Variants in CLCN7 observed in about 807,000 individuals in gnomAD.
CLCN7 encodes the protein Cl-/H+ antiporter 7.
Under a neutral mutation model 102.1 loss-of-function variants are expected in CLCN7, and 60 were observed. That is an observed-to-expected ratio of 0.59 (90% CI 0.48 to 0.73). The LOEUF (loss-of-function observed/expected upper bound fraction) is 0.73. Among genes scored for constraint, CLCN7 ranks in the 30% least tolerant of loss-of-function variants. The pLI is 0.00. For missense variants in CLCN7, 962 were observed against 1,125.7 expected, an observed-to-expected ratio of 0.85 and a Z score of 2.08; for synonymous variants, 560 against 490.5, an observed-to-expected ratio of 1.14 and a Z score of -1.87.
chr16:1,451,691 T>C lies in CLCN7; in HGVS notation c.1379A>G (p.Asn460Ser). ...LQLFCADGEY[N>S]SMAAAFFNTP... ...GTTGAAGAAGGCCGCAGCCATGGAG[T>C]TGTACTCGCCATCTGCACAAAAGAG... Residue 460 changes from asparagine (N) to serine (S), a missense_variant, in exon 16 of 25, where the codon AAC becomes AGC. Asn to Ser is a conservative substitution (Grantham distance 46). Around this residue, in one of 2 missense-constraint regions of CLCN7, gnomAD observed 799 missense variants for 988.0 expected, o/e 0.81. Coordinates refer to ENST00000382745, the MANE Select transcript of CLCN7 (RefSeq NM_001287.6). 3 of 1,612,478 alleles carry C rather than the reference T, an allele frequency of 1.9e-6. No individual in the cohort carries two copies. The highest frequency in any genetic ancestry group is 1.1e-5 in the South Asian group (1 of 91,048).
intron 14 of CLCN7, among the ~76,000 whole-genome samples, 192 bp from the exon 15 acceptor site, chr16:1,453,085 G>T (rs190937232): frequency 1.3e-5 from 2 of 152,300 alleles, no homozygotes; most frequent in African/African-American, 4.8e-5. Flanking sequence ...TTGGCTCACT[G>T]CAACCTCCAC....
At position 1,448,269 on chromosome 16, in the gene CLCN7, A is replaced by G. The variant is rs35462840; in HGVS notation, c.2013+86T>C. 0.1 allele frequency: 160,652 copies of G among 1,566,498 alleles called. 9,835 individuals are homozygous for G. Among genetic ancestry groups the G allele is most frequent in the African/African-American group, 0.24 (17,892 of 74,082 alleles). On this transcript the variant is annotated intron_variant, in intron 21 of 24. Coordinates refer to ENST00000382745, the MANE Select transcript of CLCN7 (RefSeq NM_001287.6). ...GTGCACCCAAACGTGCAGCTTCCCC[A>G]TCCTGCAAACCTTGCCGTGTGCTTC...
intron 1 of CLCN7, chr16:1,474,056 C>T (rs1343378325): frequency 6.8e-6 from 3 of 439,052 alleles, no homozygotes; most frequent in Admixed American, 2.6e-5. Context: ...TGCACTCCAG[C>T]CTGGGCAACT....
chr16:1,449,767 TA>T (rs1690589081), intron 17 of CLCN7: 1 of 226,312 alleles, frequency 4.4e-6, no homozygotes, highest in Admixed American at 5.8e-5. Flanking sequence ...CGGAACATTC[TA>T]GAAGTGGTAG....
chr16:1,449,997 A>C, intron 17 of CLCN7: 1 of 172,784 alleles, frequency 5.8e-6, no homozygotes. Flanking sequence ...AGGGCCTCTT[A>C]CAGGTTTTCA....
Position 1,450,554 on chromosome 16 carries a change from G to A in CLCN7, c.1560C>T (p.Ile520=), listed in dbSNP as rs747399766. 3.7e-6 allele frequency: 6 copies of A among 1,611,768 alleles called. No individual in the cohort carries two copies. The highest frequency in any genetic ancestry group is 2.2e-5 in the South Asian group (2 of 90,822). The change falls in exon 17 of 25, where the codon ATC becomes ATT. Residue 520 remains isoleucine (I), a synonymous_variant. Transcript: ENST00000382745. ...SAGVFIPSLL[I]GAAWGRLFGI... ...CAAAGAGCCGGCCCCAGGCAGCCCC[G>A]ATGAGCAGGGACGGGATGAAGACCC... is the stretch of plus-strand genomic sequence containing the variant.
chr16:1,461,023 A>G (rs2038927880), intron 4 of CLCN7, 75 bp from the exon 5 acceptor site: 1 of 1,568,502 alleles, frequency 6.4e-7, no homozygotes. Context: ...GACCGCCCAG[A>G]CCGCCTGCAG....
chr16:1,446,370 T>C lies in CLCN7; in HGVS notation c.*261A>G. The C allele has an allele frequency of 1.4e-6, 1 of 702,272 alleles. No individual in the cohort carries two copies. The highest frequency in any genetic ancestry group is 2.6e-6 in the Non-Finnish European group (1 of 384,756). 43.5% of individuals were successfully genotyped at this position (702,272 alleles called of 1,614,324 possible). On this transcript the variant is annotated 3_prime_UTR_variant, in exon 25 of 25. Coordinates refer to ENST00000382745, the MANE Select transcript of CLCN7 (RefSeq NM_001287.6). ...AGGTCACACACACACAGCTGATCCC[T>C]GGAGGTAAAGAAACCTAGACGAGGA...
At chr16:1,453,731 C>A (rs184069425) in intron 14 of CLCN7, 103 bp downstream of exon 14, 2 of 1,095,590 alleles carry the variant, frequency 1.8e-6, no homozygotes, top group African/African-American at 1.5e-5. Context: ...GCCTTTCTTT[C>A]GGCTGTGGCC....
At chr16:1,465,427 G>T in intron 1 of CLCN7, 89 bp from the exon 2 acceptor site, 1 of 1,173,204 alleles carries the variant, frequency 8.5e-7, no homozygotes, top group Non-Finnish European at 1.2e-6. Flanking sequence ...CCCTGGCCTC[G>T]CCTGACCCTG....
At position 1,455,782 on chromosome 16, in the gene CLCN7, G is replaced by A. The variant is rs764097491; in HGVS notation, c.930C>T (p.Phe310=). 13 of 1,613,584 alleles carry A rather than the reference G, an allele frequency of 8.1e-6. No homozygotes were observed. Among genetic ancestry groups the A allele is most frequent in the Non-Finnish European group, 1.1e-5 (13 of 1,180,020 alleles). ...AGAAGGACGCACCCTCCTCCAAGCTGAACAGGACCCCACCTGGAAGGCAGG... is the reference window on the plus strand; with the variant it reads ...AGAAGGACGCACCCTCCTCCAAGCTAAACAGGACCCCACCTGGAAGGCAGG... ...AFGAPVGGVL[F]SLEEGASFWN... Residue 310 remains phenylalanine (F), a synonymous_variant, in exon 11 of 25, where the codon TTC becomes TTT. Coordinates refer to ENST00000382745, the MANE Select transcript of CLCN7 (RefSeq NM_001287.6).
intron 20 of CLCN7, 51 bp downstream of exon 20, chr16:1,448,630 C>T (rs753798178): frequency 2.5e-6 from 4 of 1,608,414 alleles, no homozygotes; most frequent in Admixed American, 1.7e-5. Flanking sequence ...CCCTGTGCAA[C>T]AAGAGGCCGC....
intron 23 of CLCN7, 84 bp downstream of exon 23, chr16:1,447,308 C>G (rs1251775770): frequency 5.7e-6 from 8 of 1,396,256 alleles, no homozygotes; most frequent in East Asian, 5.0e-5. Context: ...TGGCCCCCCC[C>G]GGCTGCCCCT....
chr16:1,446,875 A>G (rs2038654675), intron 24 of CLCN7, 131 bp downstream of exon 24: 1 of 1,127,892 alleles, frequency 8.9e-7, no homozygotes. Flanking sequence ...GGGTGCAGCC[A>G]TGGGGCATGG....
chr16:1,473,370 CTTTTTTTTT>C (rs779736867), intron 1 of CLCN7, among the ~76,000 whole-genome samples: 1 of 76,682 alleles, frequency 1.3e-5, no homozygotes, highest in Non-Finnish European at 2.3e-5. Context: ...CCTTCCTAAA[CTTTTTTTTT>C]TTTTTTTTTT....
chr16:1,473,466 C>T (rs2039106430), intron 1 of CLCN7, among the ~76,000 whole-genome samples: 1 of 149,648 alleles, frequency 6.7e-6, no homozygotes, highest in African/African-American at 2.5e-5. Flanking sequence ...CTCCGCCTCC[C>T]GGGTTCAATT....
intron 23 of CLCN7, 121 bp downstream of exon 23, chr16:1,447,271 G>T: frequency 8.2e-7 from 1 of 1,223,386 alleles, no homozygotes; most frequent in Non-Finnish European, 1.1e-6. Flanking sequence ...CTTCACAGGA[G>T]ACAGAGTCAC....
Position 1,449,372 on chromosome 16 carries a change from C to G in CLCN7, c.1618-45G>C, listed in dbSNP as rs765442328. 5 of 1,550,226 alleles carry G rather than the reference C, an allele frequency of 3.2e-6. No homozygotes were observed. In the African/African-American group the frequency reaches 6.8e-5, roughly 21 times the overall value. On this transcript the variant is annotated intron_variant, in intron 17 of 24. Transcript: ENST00000382745. ...GGAGGTGTCAGTGTGGTGGCAGGCC[C>G]AAACCCACCAAGATACACAGACGGA...
At position 1,447,549 on chromosome 16, in the gene CLCN7, T is replaced by A. The variant is rs1308731255; in HGVS notation, c.2093A>T (p.Asn698Ile). The stretch of plus-strand genomic sequence containing the variant: ...CAGGCGCCGCTGTACCAGGCCCAGG[T>A]TGGACCGCTCCACAAACACCTGCGG... ...LKHKVFVERS[N>I]LGLVQRRLRL... The change falls in exon 23 of 25, where the codon AAC becomes ATC. Residue 698 changes from asparagine (N) to isoleucine (I), a missense_variant. Around this residue, in one of 2 missense-constraint regions of CLCN7, gnomAD observed 799 missense variants for 988.0 expected, o/e 0.81. Transcript: ENST00000382745. The A allele has an allele frequency of 3.2e-6, 5 of 1,556,064 alleles. No homozygotes were observed. The South Asian group carries it at 4.7e-5, about 15-fold the overall frequency.
Sources: allele counts gnomAD v4.1 joint callset (sites outside exome capture counted in the v4.1 genomes callset), GRCh38; gene constraint gnomAD v4.1.1; regional missense constraint gnomAD v4.1.1; transcripts MANE v1.5; gene names NCBI Gene and HGNC (gene_info 2026-07-23, HGNC 2026-07-21).